LTV1: variants seen among roughly 807,000 people sequenced by gnomAD.
LTV1 encodes the protein protein LTV1 homolog.
A neutral mutation model predicts 59.9 loss-of-function variants in LTV1; 39 were observed. The observed-to-expected ratio is 0.65, with a 90% confidence interval of 0.50 to 0.85. The LOEUF is 0.85. Ranked by LOEUF, LTV1 falls within the 40% of genes least tolerant of loss-of-function variation. The probability of loss-of-function intolerance (pLI) is 0.00; values close to 1 mark genes in which losing one functional copy is unlikely to be tolerated. For synonymous variants in LTV1, 171 were observed against 189.5 expected, an observed-to-expected ratio of 0.90 and a Z score of 0.80; for missense variants, 493 against 549.1, an observed-to-expected ratio of 0.90 and a Z score of 1.02.
intron 3 of LTV1, among the ~76,000 whole-genome samples, chr6:143,849,095 T>C (rs1235386300): frequency 6.6e-6 from 1 of 152,184 alleles, no homozygotes; most frequent in Admixed American, 6.5e-5. Flanking sequence ...CATGAAAAAC[T>C]ATTAAAGGAG....
intron 6 of LTV1, among the ~76,000 whole-genome samples, chr6:143,859,286 T>A (rs1252706813): frequency 1.3e-5 from 2 of 152,220 alleles, no homozygotes; most frequent in African/African-American, 4.8e-5. Context: ...ATAGACTGTT[T>A]ATACAGGTTT....
rs1172595783 is a variant in LTV1, at chr6:143,844,577, A to G, written c.95A>G (p.Asp32Gly). The G allele has an allele frequency of 1.2e-6, 2 of 1,614,048 alleles. No homozygotes were observed. The highest frequency in any genetic ancestry group is 2.2e-5 in the East Asian group (1 of 44,870). ...AGCCAACGAGATCCTTTAGCAGCAG[A>G]TGAGAGTGCACCCCAGAGGGTTCTA... ...HRSQRDPLAADESAPQRVLLP... is the reference protein window; with the variant it reads ...HRSQRDPLAAGESAPQRVLLP... The change falls in exon 2 of 11, where the codon GAT (aspartate) becomes GGT (glycine). Residue 32 changes from aspartate to glycine, a missense_variant. Physicochemically the swap from Asp to Gly is moderately conservative, Grantham distance 94. Transcript: ENST00000367576.
chr6:143,857,183 C>A lies in LTV1; in HGVS notation c.398-120C>A. On this transcript the variant is annotated intron_variant, in intron 4 of 10. Transcript: ENST00000367576. The surrounding 1 kb of genome is among the most constrained non-coding windows in gnomAD (Gnocchi z 5.2). ...CACTAGACTGAACTTAGTTCTTAAT[C>A]GTTCTTTTATCCTCAATATATTAAT... 1 of 1,201,528 alleles carries A rather than the reference C, an allele frequency of 8.3e-7. No individual in the cohort carries two copies. The highest frequency in any genetic ancestry group is 1.2e-6 in the Non-Finnish European group (1 of 849,150). 74.4% of individuals were successfully genotyped at this position (1,201,528 alleles called of 1,614,324 possible).
At position 143,861,128 on chromosome 6, in the gene LTV1, C is replaced by T. The variant is rs373603204; in HGVS notation, c.923+575C>T. On this transcript the variant is annotated intron_variant, in intron 7 of 10. Coordinates refer to ENST00000367576, the MANE Select transcript of LTV1 (RefSeq NM_032860.5). ...GCCAGGCTGGTCTCAAACTCTTGAC[C>T]TCATGTAATATGCCTGCCTCGGTCT... Among the ~76,000 whole-genome samples, 6 of 152,134 alleles carry T rather than the reference C, an allele frequency of 3.9e-5. No homozygotes were observed. The East Asian group carries it at 9.6e-4, about 24-fold the overall frequency.
intron 4 of LTV1, among the ~76,000 whole-genome samples, chr6:143,853,529 G>T (rs939340417): frequency 2.0e-5 from 3 of 152,178 alleles, no homozygotes; most frequent in Non-Finnish European, 2.9e-5. Context: ...GTGAGAGAGG[G>T]CATCCTTGTC....
At position 143,846,055 on chromosome 6, in the gene LTV1, A is replaced by G. The variant is rs766549849; in HGVS notation, c.140A>G (p.Asp47Gly). Reference sequence around the variant, plus strand: ...CTAATTCCATTTCGTTTATAGATAGACAATGAAGAAAGGCGAGCAGAACAG... The same window carrying G: ...CTAATTCCATTTCGTTTATAGATAGGCAATGAAGAAAGGCGAGCAGAACAG... The part of the protein sequence containing the change: ...QRVLLPTQKI[D>G]NEERRAEQRK... The change falls in exon 3 of 11, where the codon GAC (aspartate) becomes GGC (glycine). Residue 47 changes from aspartate to glycine, a missense_variant. Transcript: ENST00000367576. The G allele has an allele frequency of 1.2e-6, 2 of 1,612,596 alleles. No individual in the cohort carries two copies. The highest frequency in any genetic ancestry group is 3.4e-5 in the Admixed American group (2 of 59,590).
At chr6:143,861,489 T>C (rs924825848) in intron 7 of LTV1, among the ~76,000 whole-genome samples, 1 of 152,082 alleles carries the variant, frequency 6.6e-6, no homozygotes, top group African/African-American at 2.4e-5. Flanking sequence ...AGATCGTGTT[T>C]CTAGTCTTTT....
rs112907020 is a variant in LTV1 at position 143,843,339 on chromosome 6, T to G, written c.-139T>G. On this transcript the variant is annotated 5_prime_UTR_variant, in exon 1 of 11. Coordinates refer to ENST00000367576, the MANE Select transcript of LTV1 (RefSeq NM_032860.5). ...TGGTCCGTTTCCACGGCCGGCTGGG[T>G]GACGTTATCGCCGGGTCCTGGGGCT... The G allele has an allele frequency of 9.5e-7, 1 of 1,053,576 alleles. No homozygotes were observed. 65.3% of individuals were successfully genotyped at this position (1,053,576 alleles called of 1,614,324 possible). A position where few individuals can be genotyped will look rare whatever the true frequency, so the allele number is the denominator to read the frequency against.
intron 4 of LTV1, among the ~76,000 whole-genome samples, chr6:143,854,947 C>G (rs937683243): frequency 6.6e-6 from 1 of 152,030 alleles, no homozygotes; most frequent in East Asian, 1.9e-4. Context: ...AGAGTTACGT[C>G]ACTGTCTATT....
intron 3 of LTV1, among the ~76,000 whole-genome samples, chr6:143,846,815 G>A (rs1362779281): frequency 1.3e-5 from 2 of 152,132 alleles, no homozygotes; most frequent in South Asian, 2.1e-4. Flanking sequence ...GTATGCCTCC[G>A]TGACCTTATT....
chr6:143,852,728 C>G (rs984771381), intron 4 of LTV1, among the ~76,000 whole-genome samples: 2 of 152,162 alleles, frequency 1.3e-5, no homozygotes, highest in African/African-American at 4.8e-5. Flanking sequence ...TTTAATCCAT[C>G]TTGAGTTAAT....
Position 143,862,521 on chromosome 6 carries a change from G to A in LTV1, c.1063+278G>A, listed in dbSNP as rs192015757. Among the ~76,000 whole-genome samples, 125 of 152,188 alleles carry A rather than the reference G, an allele frequency of 8.2e-4. No individual in the cohort carries two copies. Among genetic ancestry groups the A allele is most frequent in the Admixed American group, 1.4e-3 (21 of 15,294 alleles). ...GAATAGCTTGAACCTGGGAGGCAGA[G>A]GTTGCAATGAGCCGAGATCATGCCA... is the stretch of plus-strand genomic sequence containing the variant. On this transcript the variant is annotated intron_variant, in intron 8 of 10. Coordinates refer to ENST00000367576, the MANE Select transcript of LTV1 (RefSeq NM_032860.5). The surrounding 1 kb of genome is among the most constrained non-coding windows in gnomAD (Gnocchi z 4.2).
At chr6:143,850,054 G>A (rs566086303) in intron 3 of LTV1, 77 bp from the exon 4 acceptor site, 3 of 1,072,208 alleles carry the variant, frequency 2.8e-6, no homozygotes, top group Non-Finnish European at 4.3e-6. Flanking sequence ...CATTGATTTG[G>A]GGGGGACTTC....
Position 143,846,220 on chromosome 6 carries a change from T to A in LTV1, c.305T>A (p.Ile102Asn). The A allele has an allele frequency of 3.1e-6, 5 of 1,609,142 alleles. No homozygotes were observed. Among genetic ancestry groups the A allele is most frequent in the Non-Finnish European group, 4.2e-6 (5 of 1,178,256 alleles). The stretch of plus-strand genomic sequence containing the variant: ...GAGGAGAAAGAAGAAACGCTAGTAA[T>A]TCCAGTAAGGCTTTTCAGCAATTTA... Reference protein sequence around the residue: ...RREEKEETLVIPSTGIKLPSS... With the variant: ...RREEKEETLVNPSTGIKLPSS... Residue 102 changes from isoleucine (I) to asparagine (N), a missense_variant, in exon 3 of 11, where the codon ATT (isoleucine) becomes AAT (asparagine). Coordinates refer to ENST00000367576, the MANE Select transcript of LTV1 (RefSeq NM_032860.5).
chr6:143,853,975 T>TA (rs2128491576), intron 4 of LTV1, among the ~76,000 whole-genome samples: 1 of 152,376 alleles, frequency 6.6e-6, no homozygotes, highest in African/African-American at 2.4e-5. Context: ...TAAAATGAGT[T>TA]AGAGAGGAGT....
At chr6:143,850,287 G>A (rs1230005317) in intron 4 of LTV1, 69 bp downstream of exon 4, 1 of 1,184,464 alleles carries the variant, frequency 8.4e-7, no homozygotes, top group African/African-American at 1.5e-5. Flanking sequence ...AATGATGTAG[G>A]ATTTTTCTAT....
At chr6:143,852,590 A>G (rs1048482417) in intron 4 of LTV1, among the ~76,000 whole-genome samples, 1 of 152,136 alleles carries the variant, frequency 6.6e-6, no homozygotes, top group African/African-American at 2.4e-5. Context: ...CCATTTGTCA[A>G]TTTTGGCTTT....
intron 2 of LTV1, among the ~76,000 whole-genome samples, chr6:143,845,410 G>A (rs1776875555): frequency 6.6e-6 from 1 of 152,108 alleles, no homozygotes; most frequent in Non-Finnish European, 1.5e-5. Flanking sequence ...CCAAATCTCT[G>A]TTTCCCAGGC....
At chr6:143,860,848 G>C (rs989324658) in intron 7 of LTV1, among the ~76,000 whole-genome samples, 1 of 152,046 alleles carries the variant, frequency 6.6e-6, no homozygotes, top group African/African-American at 2.4e-5. Flanking sequence ...CACTTTCTCC[G>C]TATCTTTGAC....
Sources: gnomAD v4.1 joint callset for allele counts (sites outside exome capture counted in the v4.1 genomes callset) on GRCh38, gnomAD v4.1.1 for gene constraint, Gnocchi (gnomAD v3.1) non-coding constraint, MANE v1.5 for transcripts, NCBI Gene and HGNC (gene_info 2026-07-23, HGNC 2026-07-21) for gene names.